The following FAM13A variants were observed in gnomAD, a reference collection of about 807,000 sequenced individuals.
The protein encoded by FAM13A is family with sequence similarity 13 member A.
In FAM13A, 76 loss-of-function variants were observed where a neutral mutation model predicts 129.6. The ratio of observed to expected loss-of-function variants is 0.59; its 90% CI spans 0.49 to 0.71. The LOEUF is 0.71. Ranked by LOEUF, FAM13A falls within the 30% of genes least tolerant of loss-of-function variation. The pLI is 0.00. For missense variants in FAM13A, 1,108 were observed against 1,249.3 expected, an observed-to-expected ratio of 0.89 and a Z score of 1.70; for synonymous variants, 443 against 449.9, an observed-to-expected ratio of 0.98 and a Z score of 0.20.
At chr4:88,950,808 C>T (rs1756823883) in intron 4 of FAM13A, among the ~76,000 whole-genome samples, 1 of 152,110 alleles carries the variant, frequency 6.6e-6, no homozygotes, top group Non-Finnish European at 1.5e-5. Flanking sequence ...TAAAGCAGCA[C>T]ATTAAATTAA....
At chr4:88,781,867 C>A (rs570179910) in intron 10 of FAM13A, among the ~76,000 whole-genome samples, 9 of 151,086 alleles carry the variant, frequency 6.0e-5, no homozygotes, top group African/African-American at 1.2e-4. Context: ...GGAGGGATAG[C>A]ATTAGGAGAT....
intron 4 of FAM13A, among the ~76,000 whole-genome samples, chr4:88,970,789 C>T (rs546074498): frequency 2.0e-5 from 3 of 151,594 alleles, no homozygotes; most frequent in South Asian, 2.1e-4. Context: ...TGGCTTAATA[C>T]GTTAGAAAAT....
chr4:88,999,069 G>A (rs1763915979), intron 3 of FAM13A, among the ~76,000 whole-genome samples: 1 of 152,100 alleles, frequency 6.6e-6, no homozygotes, highest in Admixed American at 6.6e-5. Flanking sequence ...TATGTTTATT[G>A]CCAAATTAGT....
At chr4:89,002,831 A>G (rs1298286290) in intron 3 of FAM13A, among the ~76,000 whole-genome samples, 1 of 152,218 alleles carries the variant, frequency 6.6e-6, no homozygotes, top group Non-Finnish European at 1.5e-5. Context: ...TAAGACGAGA[A>G]TGTTCTAAAA....
intron 6 of FAM13A, among the ~76,000 whole-genome samples, chr4:88,858,040 A>G (rs1738852196): frequency 6.6e-6 from 1 of 152,228 alleles, no homozygotes; most frequent in Non-Finnish European, 1.5e-5. Flanking sequence ...CTGCCACTTA[A>G]AAATAGTTAC....
At chr4:88,992,318 G>A (rs997856050) in intron 3 of FAM13A, among the ~76,000 whole-genome samples, 4 of 150,408 alleles carry the variant, frequency 2.7e-5, no homozygotes, top group Non-Finnish European at 5.9e-5. Flanking sequence ...CCAGGCTGGA[G>A]TGCCATGGCA....
intron 5 of FAM13A, among the ~76,000 whole-genome samples, chr4:88,911,651 T>C (rs1749105187): frequency 6.6e-6 from 1 of 152,136 alleles, no homozygotes; most frequent in African/African-American, 2.4e-5. Flanking sequence ...AGCAATTCCC[T>C]CCATATGCAC....
At chr4:88,847,094 A>G (rs1373170915) in intron 7 of FAM13A, among the ~76,000 whole-genome samples, 1 of 152,244 alleles carries the variant, frequency 6.6e-6, no homozygotes, top group Non-Finnish European at 1.5e-5. Flanking sequence ...ACATCTCTTC[A>G]CAGATACAGT....
At chr4:88,945,990 G>GTGTGTGTGTGTGTGTGTATATATATATA in intron 4 of FAM13A, among the ~76,000 whole-genome samples, 4 of 61,948 alleles carry the variant, frequency 6.5e-5, no homozygotes, top group Non-Finnish European at 1.2e-4. Flanking sequence ...GTGTGTGTGT[G>GTGTGTGTGTGTGTGTGTATATATATATA]TATATATATA....
intron 8 of FAM13A, among the ~76,000 whole-genome samples, chr4:88,802,311 G>C (rs1173106828): frequency 1.3e-5 from 2 of 152,160 alleles, no homozygotes; most frequent in African/African-American, 4.8e-5. Context: ...CCTACTGTTT[G>C]AGCTCCTATA....
chr4:89,002,264 CAG>C (rs1764363099), intron 3 of FAM13A, among the ~76,000 whole-genome samples: 1 of 150,070 alleles, frequency 6.7e-6, no homozygotes, highest in African/African-American at 2.5e-5. Context: ...TGACTGGAAA[CAG>C]ATTGTTTACA....
chr4:88,910,488 T>C (rs189682699), intron 5 of FAM13A, among the ~76,000 whole-genome samples: 4 of 152,212 alleles, frequency 2.6e-5, no homozygotes, highest in African/African-American at 9.6e-5. Flanking sequence ...ATTCAGGTCT[T>C]TGCTCAATTT....
At chr4:89,020,383 T>G (rs1295086408) in intron 3 of FAM13A, 77 bp downstream of exon 3, 8 of 1,047,530 alleles carry the variant, frequency 7.6e-6, no homozygotes, top group African/African-American at 1.6e-5. Flanking sequence ...TCCCAAAGTG[T>G]TGGGATTATA....
chr4:88,771,652 T>C (rs961436913), intron 11 of FAM13A, among the ~76,000 whole-genome samples: 2 of 152,268 alleles, frequency 1.3e-5, no homozygotes, highest in Non-Finnish European at 2.9e-5. Context: ...TTAAAGGTAA[T>C]AGGTAATTTT....
At chr4:88,886,898 ACT>A (rs1440945319) in intron 6 of FAM13A, among the ~76,000 whole-genome samples, 1 of 134,460 alleles carries the variant, frequency 7.4e-6, no homozygotes, top group Non-Finnish European at 1.6e-5. Context: ...CAAGAGTGAA[ACT>A]CTATCTCAAA....
intron 6 of FAM13A, among the ~76,000 whole-genome samples, chr4:88,856,512 A>G (rs1738530580): frequency 6.6e-6 from 1 of 152,020 alleles, no homozygotes; most frequent in Non-Finnish European, 1.5e-5. Flanking sequence ...ACAAATAAAC[A>G]AAAAACCAAA....
At chr4:88,939,466 CT>C (rs1453791028) in intron 4 of FAM13A, among the ~76,000 whole-genome samples, 1 of 152,160 alleles carries the variant, frequency 6.6e-6, no homozygotes, top group African/African-American at 2.4e-5. Flanking sequence ...ATCCTTATAT[CT>C]CAAGATCCCT....
intron 6 of FAM13A, among the ~76,000 whole-genome samples, chr4:88,884,869 T>TA (rs1744153418): frequency 6.6e-6 from 1 of 152,038 alleles, no homozygotes; most frequent in South Asian, 2.1e-4. Context: ...AAACTGAGAA[T>TA]AAAAGCAAGA....
chr4:88,827,656 C>T (rs1733235571), intron 7 of FAM13A, among the ~76,000 whole-genome samples: 1 of 152,018 alleles, frequency 6.6e-6, no homozygotes, highest in African/African-American at 2.4e-5. Context: ...ATCTTTACTC[C>T]TCCCTCTCCT....
Sources: allele counts gnomAD v4.1 joint callset (sites outside exome capture counted in the v4.1 genomes callset), GRCh38; gene constraint gnomAD v4.1.1; transcripts MANE v1.5; gene names NCBI Gene and HGNC (gene_info 2026-07-23, HGNC 2026-07-21).